WWC2: variants seen among roughly 807,000 people sequenced by gnomAD.
WWC2 encodes WW and C2 domain containing 2, also known as protein WWC2.
In WWC2, 101 loss-of-function variants were observed where a neutral mutation model predicts 138.5. That is an observed-to-expected ratio of 0.73 (90% CI 0.62 to 0.86). WWC2 has a LOEUF of 0.86. Among genes scored for constraint, WWC2 ranks in the 40% least tolerant of loss-of-function variants. WWC2 has a pLI of 0.00. For synonymous variants in WWC2, 558 were observed against 538.4 expected (o/e 1.04, Z -0.50); for missense variants, 1,420 against 1,419.4 (o/e 1.00, Z -0.01).
chr4:183,185,361 T>C lies in WWC2; in HGVS notation c.132-8238T>C, dbSNP rs190752550. ...TTAAGTAGTCAGACAATATGAACAA[T>C]TAACTTGGAATCATGTTATAACCTC... is the stretch of plus-strand genomic sequence containing the variant. On this transcript the variant is annotated intron_variant, in intron 1 of 22. Coordinates refer to ENST00000403733, the MANE Select transcript of WWC2 (RefSeq NM_024949.6). 2.3e-3 allele frequency among the ~76,000 whole-genome samples: 354 copies of C among 152,284 alleles called. 3 individuals carry two copies. Among genetic ancestry groups the C allele is most frequent in the Non-Finnish European group, 3.3e-3 (222 of 68,026 alleles).
intron 1 of WWC2, among the ~76,000 whole-genome samples, chr4:183,142,944 T>G (rs185134873): frequency 6.6e-6 from 1 of 152,274 alleles, no homozygotes; most frequent in African/African-American, 2.4e-5. Context: ...ATGAGCAATA[T>G]GAAGTGAAGC....
At chr4:183,196,996 G>A (rs966043449) in intron 2 of WWC2, among the ~76,000 whole-genome samples, 14 of 151,930 alleles carry the variant, frequency 9.2e-5, no homozygotes, top group African/African-American at 3.1e-4. Context: ...GCTTCTTAAG[G>A]GCAATGACTG....
chr4:183,255,839 G>A (rs563194849), intron 9 of WWC2, among the ~76,000 whole-genome samples: 1 of 148,730 alleles, frequency 6.7e-6, no homozygotes, highest in African/African-American at 2.5e-5. Flanking sequence ...CACACACATA[G>A]TAACTCAAAA....
chr4:183,198,769 C>CAT (rs1330137611), intron 2 of WWC2, among the ~76,000 whole-genome samples: 1 of 85,824 alleles, frequency 1.2e-5, no homozygotes, highest in Non-Finnish European at 2.1e-5. Context: ...GTCTTGGTAA[C>CAT]ATATAAGACC....
chr4:183,218,162 T>A (rs1735809692), intron 4 of WWC2, among the ~76,000 whole-genome samples: 2 of 152,182 alleles, frequency 1.3e-5, no homozygotes, highest in Admixed American at 1.3e-4. Context: ...TGAAAATATC[T>A]TTTAAATTGA....
chr4:183,133,924 A>G (rs2111079003), intron 1 of WWC2, among the ~76,000 whole-genome samples: 1 of 152,372 alleles, frequency 6.6e-6, no homozygotes, highest in African/African-American at 2.4e-5. Flanking sequence ...CTGGTTGAAC[A>G]AGCCCATAAA....
intron 1 of WWC2, among the ~76,000 whole-genome samples, chr4:183,185,234 G>A (rs924460177): frequency 6.6e-6 from 1 of 152,156 alleles, no homozygotes; most frequent in East Asian, 1.9e-4. Flanking sequence ...TTTCAGAACC[G>A]CTACTGTAAA....
Position 183,221,164 on chromosome 4 carries a change from A to G in WWC2, c.522+12139A>G, listed in dbSNP as rs574610386. Among the ~76,000 whole-genome samples, 5 of 152,364 alleles carry G rather than the reference A, an allele frequency of 3.3e-5. No homozygotes were observed. The South Asian group carries it at 8.3e-4, about 25-fold the overall frequency. ...GAAGAATGTTGCAGTTGTCATATTAATATCAGACAAACTAAACTTCAGAAC... is the reference window on the plus strand; with the variant it reads ...GAAGAATGTTGCAGTTGTCATATTAGTATCAGACAAACTAAACTTCAGAAC... On this transcript the variant is annotated intron_variant, in intron 4 of 22. Transcript: ENST00000403733.
At chr4:183,199,304 C>T (rs974164893) in intron 2 of WWC2, among the ~76,000 whole-genome samples, 7 of 151,928 alleles carry the variant, frequency 4.6e-5, no homozygotes, top group African/African-American at 1.7e-4. Flanking sequence ...TCAAAGCCCT[C>T]TTTAATTAAG....
At chr4:183,295,951 ATC>A (rs1230597645) in intron 21 of WWC2, among the ~76,000 whole-genome samples, 1 of 152,190 alleles carries the variant, frequency 6.6e-6, no homozygotes, top group African/African-American at 2.4e-5. Context: ...GGGAGCTGTC[ATC>A]TCTGTCATTC....
At chr4:183,157,709 G>C (rs796335613) in intron 1 of WWC2, among the ~76,000 whole-genome samples, 23 of 152,120 alleles carry the variant, frequency 1.5e-4, no homozygotes, top group African/African-American at 5.1e-4. Context: ...CACCGTGTTA[G>C]CCAGGATGGT....
At chr4:183,267,646 A>G (rs545814447) in intron 14 of WWC2, among the ~76,000 whole-genome samples, 36 of 152,312 alleles carry the variant, frequency 2.4e-4, no homozygotes, top group African/African-American at 8.4e-4. Context: ...ATTCTCACTT[A>G]CCTCATAGGA....
intron 1 of WWC2, among the ~76,000 whole-genome samples, chr4:183,165,556 AG>A (rs1724825679): frequency 6.6e-6 from 1 of 152,110 alleles, no homozygotes; most frequent in South Asian, 2.1e-4. Flanking sequence ...TGGGTGTGGA[AG>A]GGGGTGTGGG....
intron 1 of WWC2, among the ~76,000 whole-genome samples, chr4:183,141,207 A>G (rs1733289409): frequency 6.6e-6 from 1 of 152,164 alleles, no homozygotes; most frequent in South Asian, 2.1e-4. Flanking sequence ...TTGAAGTCCA[A>G]GGTTAAGGTG....
intron 21 of WWC2, among the ~76,000 whole-genome samples, chr4:183,307,027 A>G (rs548766855): frequency 5.9e-5 from 9 of 152,196 alleles, no homozygotes; most frequent in Non-Finnish European, 1.3e-4. Flanking sequence ...TGACATCTAT[A>G]GAGTACTTCA....
chr4:183,134,234 CA>C (rs1733041465), intron 1 of WWC2, among the ~76,000 whole-genome samples: 1 of 150,804 alleles, frequency 6.6e-6, no homozygotes, highest in Non-Finnish European at 1.5e-5. Context: ...TGACATTGTT[CA>C]TCTTTTTTAT....
intron 1 of WWC2, among the ~76,000 whole-genome samples, 160 bp downstream of exon 1, chr4:183,099,782 C>G (rs898463712): frequency 2.6e-5 from 4 of 151,854 alleles, no homozygotes; most frequent in African/African-American, 9.7e-5. Context: ...GAGGAGCCGC[C>G]CGTACCCGGG....
chr4:183,286,720 G>A (rs565269942), intron 20 of WWC2, among the ~76,000 whole-genome samples: 26 of 152,170 alleles, frequency 1.7e-4, no homozygotes, highest in East Asian at 5.8e-4. Context: ...TGTGTGGTTC[G>A]GTGACTACAG....
chr4:183,253,678 C>T (rs1490911280), intron 8 of WWC2, 79 bp from the exon 9 acceptor site: 2 of 1,531,468 alleles, frequency 1.3e-6, no homozygotes, highest in Non-Finnish European at 1.8e-6. Context: ...CATGTCAACA[C>T]CAAATTTGGC....
Sources: gnomAD v4.1 joint callset for allele counts (sites outside exome capture counted in the v4.1 genomes callset) on GRCh38, gnomAD v4.1.1 for gene constraint, MANE v1.5 for transcripts, NCBI Gene and HGNC (gene_info 2026-07-23, HGNC 2026-07-21) for gene names.